Variants in PLA2G4F observed in about 807,000 individuals in gnomAD.
PLA2G4F encodes the protein phospholipase A2 group IVF.
PLA2G4F carries 105 observed loss-of-function variants against 103.1 expected under a neutral mutation model. That is an observed-to-expected ratio of 1.02 (90% CI 0.87 to 1.20). PLA2G4F has a LOEUF of 1.20. Ranked by LOEUF, PLA2G4F falls within the 50% of genes most tolerant of loss-of-function variation. The probability of loss-of-function intolerance (pLI) is 0.00; values close to 1 mark genes in which losing one functional copy is unlikely to be tolerated. For missense variants in PLA2G4F, 1,155 were observed against 1,075.9 expected (o/e 1.07, Z -1.03); for synonymous variants, 468 against 441.1 (o/e 1.06, Z -0.76).
intron 16 of PLA2G4F, 28 bp downstream of exon 16, chr15:42,145,547 G>A: frequency 6.3e-7 from 1 of 1,594,970 alleles, no homozygotes; most frequent in African/African-American, 1.3e-5. Context: ...AATGTGGTGT[G>A]GGAGGGGCTC....
At chr15:42,150,182 G>A in intron 9 of PLA2G4F, 41 bp from the exon 10 acceptor site, 1 of 1,613,434 alleles carries the variant, frequency 6.2e-7, no homozygotes. Flanking sequence ...TCTCTGGGCA[G>A]GATTCTCCCA....
chr15:42,151,038 C>T (rs183067904), intron 7 of PLA2G4F: 88 of 985,274 alleles, frequency 8.9e-5, no homozygotes, highest in Non-Finnish European at 1.0e-4. Flanking sequence ...AGGCAGGGAG[C>T]GGGGAGGGAG....
At position 42,145,896 on chromosome 15, in the gene PLA2G4F, G is replaced by C; in HGVS notation, c.1542C>G (p.Cys514Trp). ...AGCCAACCTCATAGGGCGTGAACTCGCACCACTCTAGGGGCCCGAGTGAAG... is the reference window on the plus strand; with the variant it reads ...AGCCAACCTCATAGGGCGTGAACTCCCACCACTCTAGGGGCCCGAGTGAAG... Reference protein sequence around the residue: ...NLSGEDFAEWCEFTPYEVGFP... With the variant: ...NLSGEDFAEWWEFTPYEVGFP... Residue 514 changes from cysteine to tryptophan, a missense_variant, in exon 15 of 20, where the codon TGC (cysteine) becomes TGG (tryptophan). This residue lies in a region of PLA2G4F where 782 missense variants were observed against 692.9 expected (regional missense o/e 1.13). Transcript: ENST00000397272. 1.2e-6 allele frequency: 2 copies of C among 1,613,938 alleles called. No individual in the cohort carries two copies. Among genetic ancestry groups the C allele is most frequent in the African/African-American group, 1.3e-5 (1 of 75,052 alleles).
chr15:42,147,121 C>G lies in PLA2G4F; in HGVS notation c.1419+3G>C. 6.2e-7 allele frequency: 1 copy of G among 1,610,604 alleles called. No homozygotes were observed. Among genetic ancestry groups the G allele is most frequent in the South Asian group, 1.1e-5 (1 of 91,010 alleles). ...ACGTATTTCCTTCTGGCTCTTCTCT[C>G]ACCTCCTGGTACAGGAGATACTCAA... On this transcript the variant is annotated splice_donor_region_variant and intron_variant, in intron 13 of 19. Coordinates refer to ENST00000397272, the MANE Select transcript of PLA2G4F (RefSeq NM_213600.4).
rs757827731 is a variant in PLA2G4F at position 42,144,643 on chromosome 15, G to T, written c.1782C>A (p.Asp594Glu). ...EWYRGSVNIT[D>E]DCQKPQLHNP... is the part of the protein sequence containing the mutation. The stretch of plus-strand genomic sequence containing the variant: ...TGTGCAGCTGAGGCTTCTGGCAGTC[G>T]TCTAGACAGGGGCGGGACAGTGAAA... Residue 594 changes from aspartate (D) to glutamate (E), a missense_variant and splice_region_variant, in exon 17 of 20, where the codon GAC (aspartate) becomes GAA (glutamate). Physicochemically the swap from Asp to Glu is conservative, Grantham distance 45. Around this residue, in one of 3 missense-constraint regions of PLA2G4F, gnomAD observed 782 missense variants for 692.9 expected, o/e 1.13. Transcript: ENST00000397272. The T allele has an allele frequency of 1.1e-5, 18 of 1,588,708 alleles. No individual in the cohort carries two copies. The highest frequency in any genetic ancestry group is 5.8e-5 in the South Asian group (5 of 86,668).
intron 7 of PLA2G4F, chr15:42,151,098 G>A (rs1293317023): frequency 2.2e-5 from 22 of 985,080 alleles, no homozygotes; most frequent in Non-Finnish European, 2.5e-5. Flanking sequence ...ATGATTCTAT[G>A]TTTATCATAA....
intron 11 of PLA2G4F, chr15:42,148,613 C>T: frequency 1.0e-6 from 1 of 984,776 alleles, no homozygotes; most frequent in Non-Finnish European, 1.2e-6. Context: ...CTAAATTGTC[C>T]CCCGTTGAGC....
At position 42,145,872 on chromosome 15, in the gene PLA2G4F, G is replaced by T. The variant is rs754990128; in HGVS notation, c.1566C>A (p.Gly522=). Residue 522 remains glycine, a synonymous_variant, in exon 15 of 20, where the codon GGC becomes GGA. Transcript: ENST00000397272. The part of the protein sequence containing the change: ...EWCEFTPYEV[G]FPKYGAYVPT... ...GAACATAAGCCCCGTACTTGGGGAAGCCAACCTCATAGGGCGTGAACTCGC... is the reference window on the plus strand; with the variant it reads ...GAACATAAGCCCCGTACTTGGGGAATCCAACCTCATAGGGCGTGAACTCGC... The T allele has an allele frequency of 6.2e-7, 1 of 1,614,082 alleles. No homozygotes were observed. The highest frequency in any genetic ancestry group is 8.5e-7 in the Non-Finnish European group (1 of 1,180,034).
intron 11 of PLA2G4F, 36 bp from the exon 12 acceptor site, chr15:42,147,798 T>C: frequency 7.5e-6 from 12 of 1,610,566 alleles, no homozygotes; most frequent in Non-Finnish European, 1.0e-5. Flanking sequence ...CGACTCCGAC[T>C]ACCACCGTCA....
intron 5 of PLA2G4F, 122 bp from the exon 6 acceptor site, chr15:42,153,464 G>A (rs570169225): frequency 1.3e-4 from 185 of 1,475,568 alleles, no homozygotes; most frequent in African/African-American, 4.7e-4. Flanking sequence ...GGAGTGGGGC[G>A]AGCCTGCCGC....
At chr15:42,154,577 C>A in intron 2 of PLA2G4F, 119 bp from the exon 3 acceptor site, 1 of 1,200,062 alleles carries the variant, frequency 8.3e-7, no homozygotes, top group Non-Finnish European at 1.1e-6. Context: ...GCCCACGTGG[C>A]ATGGTGGGGT....
chr15:42,143,599 G>A (rs1380581612), intron 18 of PLA2G4F, among the ~76,000 whole-genome samples: 1 of 152,198 alleles, frequency 6.6e-6, no homozygotes, highest in East Asian at 1.9e-4. Context: ...TCATGGCTCT[G>A]TTGTTACCAT....
chr15:42,147,357 G>C lies in PLA2G4F; in HGVS notation c.1197-11C>G, dbSNP rs770459158. On this transcript the variant is annotated splice_polypyrimidine_tract_variant and intron_variant, in intron 12 of 19. Transcript: ENST00000397272. The stretch of plus-strand genomic sequence containing the variant: ...AGTGTGGAGATGCACCTGGGGATTG[G>C]AGGTGTGCCTGAGTCAGGGGCAGGA... The C allele has an allele frequency of 1.9e-6, 3 of 1,601,290 alleles. No individual in the cohort carries two copies. Among genetic ancestry groups the C allele is most frequent in the East Asian group, 2.2e-5 (1 of 44,844 alleles).
chr15:42,150,274 G>C (rs1179250223), intron 9 of PLA2G4F, 99 bp downstream of exon 9: 4 of 1,530,616 alleles, frequency 2.6e-6, no homozygotes, highest in Non-Finnish European at 3.6e-6. Context: ...CCTCTGGACT[G>C]ACCTGATCCA....
In PLA2G4F at chr15:42,139,882, G is replaced by A. The variant is rs1178012112; in HGVS notation, c.*2102C>T. On this transcript the variant is annotated 3_prime_UTR_variant, in exon 20 of 20. Coordinates refer to ENST00000397272, the MANE Select transcript of PLA2G4F (RefSeq NM_213600.4). ...CACAAGTGGCATTGCCTACACTTCT[G>A]TGTGAGAAGGTCCCCGCCCACTCTG... 3 of 152,322 alleles carry A rather than the reference G, an allele frequency of 2.0e-5. No homozygotes were observed. The highest frequency in any genetic ancestry group is 4.4e-5 in the Non-Finnish European group (3 of 68,110). The allele number at this position is 152,322 out of a possible 1,614,324, so 9.4% of individuals were successfully genotyped here.
chr15:42,147,822 G>T lies in PLA2G4F; in HGVS notation c.1060-60C>A, dbSNP rs576422725. 19 of 1,597,314 alleles carry T rather than the reference G, an allele frequency of 1.2e-5. No homozygotes were observed. In the African/African-American group the frequency reaches 2.1e-4, roughly 18 times the overall value. On this transcript the variant is annotated intron_variant, in intron 11 of 19. Transcript: ENST00000397272. ...CTACCACCGTCATTGACGTATTACT[G>T]CCTATACATGTAGGACATTATTCTA...
intron 6 of PLA2G4F, 34 bp from the exon 7 acceptor site, chr15:42,152,788 G>GC: frequency 6.5e-7 from 1 of 1,544,674 alleles, no homozygotes; most frequent in Non-Finnish European, 8.8e-7. Context: ...GAGCCAGACA[G>GC]CCCACGGCCC....
At position 42,143,939 on chromosome 15, in the gene PLA2G4F, C is replaced by T. The variant is rs779971629; in HGVS notation, c.2142+39G>A. On this transcript the variant is annotated intron_variant, in intron 18 of 19. Coordinates refer to ENST00000397272, the MANE Select transcript of PLA2G4F (RefSeq NM_213600.4). ...TCCTCCCTCACCCTTTCTGTCCACT[C>T]ACTGCAGGTGCTCCCCACATCCCTG... 8 of 1,555,554 alleles carry T rather than the reference C, an allele frequency of 5.1e-6. No homozygotes were observed. In the Admixed American group the frequency reaches 1.3e-4, roughly 25 times the overall value.
intron 11 of PLA2G4F, among the ~76,000 whole-genome samples, chr15:42,148,201 A>C (rs2048915091): frequency 6.7e-6 from 1 of 148,556 alleles, no homozygotes. Flanking sequence ...AAAAAAAAAG[A>C]GAGAACCCCA....
Sources: gnomAD v4.1 joint callset for allele counts (sites outside exome capture counted in the v4.1 genomes callset) on GRCh38, gnomAD v4.1.1 for gene constraint, gnomAD v4.1.1 regional missense constraint, MANE v1.5 for transcripts, NCBI Gene and HGNC (gene_info 2026-07-23, HGNC 2026-07-21) for gene names.